PRPS2: variants seen among roughly 807,000 people sequenced by gnomAD.
The protein encoded by PRPS2 is phosphoribosyl pyrophosphate synthetase 2.
For missense variants in PRPS2, 104 were observed against 271.5 expected (o/e 0.38, Z 4.34); for synonymous variants, 111 against 115.3 (o/e 0.96, Z 0.24).
At chrX:12,820,843 C>T (rs1228742420) in intron 6 of PRPS2, 40 bp downstream of exon 6, 1 of 1,182,745 alleles carries the variant, frequency 8.5e-7, no homozygotes, top group East Asian at 3.0e-5. Context: ...CAGCCAGGCA[C>T]CTACTTTAGA....
chrX:12,801,361 C>T (rs1304672702), intron 2 of PRPS2, among the ~76,000 whole-genome samples: 4 of 111,307 alleles, frequency 3.6e-5, no homozygotes, highest in Non-Finnish European at 7.5e-5. Context: ...ATACAGACAG[C>T]TCCTTTTATT....
At chrX:12,821,612 T>C (rs1274642270) in intron 6 of PRPS2, among the ~76,000 whole-genome samples, 2 of 112,129 alleles carry the variant, frequency 1.8e-5, no homozygotes, top group Non-Finnish European at 3.8e-5. Context: ...AATGGCAAAT[T>C]TGATGTTATA....
chrX:12,791,917 C>G (rs921446552), intron 1 of PRPS2, among the ~76,000 whole-genome samples: 8 of 112,930 alleles, frequency 7.1e-5, no homozygotes, highest in Admixed American at 1.8e-4. Flanking sequence ...CGGTGCCGCC[C>G]GGCCTGGCGT....
intron 2 of PRPS2, among the ~76,000 whole-genome samples, chrX:12,807,841 T>C (rs1284998653): frequency 9.1e-6 from 1 of 109,908 alleles, no homozygotes; most frequent in Non-Finnish European, 1.9e-5. Flanking sequence ...TTCTTTTCTT[T>C]CTGTTTTGAA....
intron 4 of PRPS2, among the ~76,000 whole-genome samples, chrX:12,812,647 C>CA (rs1357458831): frequency 9.0e-6 from 1 of 111,646 alleles, no homozygotes; most frequent in Non-Finnish European, 1.9e-5. Context: ...AAGAAAATAC[C>CA]AAAAAACTCC....
rs948934181 is a variant in PRPS2, at chrX:12,821,709, C to T, written c.864+906C>T. On this transcript the variant is annotated intron_variant, in intron 6 of 6. Coordinates refer to ENST00000380668, the MANE Select transcript of PRPS2 (RefSeq NM_002765.5). ...AGATAGATACATAGATAGATACATA[C>T]ACACTCACACAGTGAAAAAATGGGG... Among the ~76,000 whole-genome samples the T allele has an allele frequency of 3.6e-5, 4 of 112,043 alleles. No homozygotes were observed. The South Asian group carries it at 1.5e-3, about 42-fold the overall frequency.
intron 4 of PRPS2, among the ~76,000 whole-genome samples, chrX:12,814,538 T>C (rs781304615): frequency 4.4e-5 from 5 of 112,546 alleles, no homozygotes; most frequent in Admixed American, 9.4e-5. Context: ...AATAAAATAC[T>C]GTAAATTTCT....
Position 12,823,386 on chromosome X carries a change from A to T in PRPS2, c.*590A>T, listed in dbSNP as rs1171837347. The T allele has an allele frequency of 9.5e-6, 1 of 105,785 alleles. No homozygotes were observed. Among genetic ancestry groups the T allele is most frequent in the Non-Finnish European group, 1.9e-5 (1 of 51,837 alleles). The allele number at this position is 105,785 out of a possible 1,213,427, so 8.7% of individuals were successfully genotyped here. On this transcript the variant is annotated 3_prime_UTR_variant, in exon 7 of 7. Coordinates refer to ENST00000380668, the MANE Select transcript of PRPS2 (RefSeq NM_002765.5). ...TGGTTACTGTGCTTAATTTGGACCA[A>T]ATTTTATTTAGCTTAATATGGACAC... is the stretch of plus-strand genomic sequence containing the variant.
chrX:12,798,613 C>T (rs989204620), intron 1 of PRPS2, among the ~76,000 whole-genome samples: 1 of 111,974 alleles, frequency 8.9e-6, no homozygotes, highest in African/African-American at 3.2e-5. Context: ...AAAACTAAAA[C>T]TAAATGTAGT....
intron 1 of PRPS2, among the ~76,000 whole-genome samples, chrX:12,797,126 G>T (rs2042548572): frequency 9.0e-6 from 1 of 110,566 alleles, no homozygotes. Flanking sequence ...GGGAGGCTGA[G>T]GTGGGCGGAT....
chrX:12,798,546 T>C (rs987649538), intron 1 of PRPS2, among the ~76,000 whole-genome samples: 11 of 112,607 alleles, frequency 9.8e-5, no homozygotes, highest in African/African-American at 3.6e-4. Context: ...TTCTCTGTTA[T>C]ACGTCTTACA....
In PRPS2 at chrX:12,823,551, C is replaced by T. The variant is rs2042686505; in HGVS notation, c.*755C>T. 1 of 111,148 alleles carries T rather than the reference C, an allele frequency of 9.0e-6. No individual in the cohort carries two copies. The allele number at this position is 111,148 out of a possible 1,213,427, so 9.2% of individuals were successfully genotyped here. A position where few individuals can be genotyped will look rare whatever the true frequency, so the allele number is the denominator to read the frequency against. On this transcript the variant is annotated 3_prime_UTR_variant, in exon 7 of 7. Coordinates refer to ENST00000380668, the MANE Select transcript of PRPS2 (RefSeq NM_002765.5). ...AAATTCCAAAATTATATTGAGCAAT[C>T]GCCAAGGCCTAAAGCCAACTGACTT...
In PRPS2 at chrX:12,822,226, A is replaced by G. The variant is rs138184764; in HGVS notation, c.865-478A>G. Among the ~76,000 whole-genome samples the G allele has an allele frequency of 6.0e-3, 670 of 111,872 alleles. 6 individuals are homozygous for G. Among genetic ancestry groups the G allele is most frequent in the African/African-American group, 0.021 (644 of 30,811 alleles). On this transcript the variant is annotated intron_variant, in intron 6 of 6. Coordinates refer to ENST00000380668, the MANE Select transcript of PRPS2 (RefSeq NM_002765.5). Reference sequence around the variant, plus strand: ...GGCTGCTTTCACGCTACAATGGGCAAGTTGAGTATTTGTGACAGAGACCCT... The same window carrying G: ...GGCTGCTTTCACGCTACAATGGGCAGGTTGAGTATTTGTGACAGAGACCCT...
chrX:12,798,136 T>C (rs1338972753), intron 1 of PRPS2, among the ~76,000 whole-genome samples: 8 of 111,947 alleles, frequency 7.1e-5, no homozygotes, highest in African/African-American at 2.6e-4. Flanking sequence ...TAGGGTGGAA[T>C]CTGGATTCAG....
At chrX:12,791,763 G>T in intron 1 of PRPS2, 144 bp downstream of exon 1, 1 of 578,890 alleles carries the variant, frequency 1.7e-6, no homozygotes. Context: ...CGCGGCCTCC[G>T]CGCCCCCGCG....
At chrX:12,799,084 G>A in intron 1 of PRPS2, 123 bp from the exon 2 acceptor site, 1 of 608,955 alleles carries the variant, frequency 1.6e-6, no homozygotes, top group Non-Finnish European at 2.5e-6. Flanking sequence ...ACAGCCATGA[G>A]TGCAACTATT....
intron 2 of PRPS2, among the ~76,000 whole-genome samples, chrX:12,806,886 C>T (rs748402573): frequency 9.0e-6 from 1 of 111,278 alleles, no homozygotes; most frequent in African/African-American, 3.3e-5. Context: ...GTCGGGAGTT[C>T]GAGACCAGTC....
At chrX:12,799,022 C>T (rs192310311) in intron 1 of PRPS2, among the ~76,000 whole-genome samples, 185 bp from the exon 2 acceptor site, 3 of 111,681 alleles carry the variant, frequency 2.7e-5, no homozygotes, top group East Asian at 5.6e-4. Context: ...TCACCCCATG[C>T]ACCTTTTTCC....
In PRPS2 at chrX:12,799,301, A is replaced by G; in HGVS notation, c.217A>G (p.Met73Val). 8.3e-7 allele frequency: 1 copy of G among 1,211,811 alleles called. No homozygotes were observed. Among genetic ancestry groups the G allele is most frequent in the Non-Finnish European group, 1.1e-6 (1 of 895,468 alleles). Residue 73 changes from methionine to valine, a missense_variant, in exon 2 of 7, where the codon ATG becomes GTG. Coordinates refer to ENST00000380668, the MANE Select transcript of PRPS2 (RefSeq NM_002765.5). ...INDNLMELLIMINACKIASSS... is the reference protein window; with the variant it reads ...INDNLMELLIVINACKIASSS... ...CGACAACCTGATGGAACTCCTCATC[A>G]TGATCAATGCCTGCAAGATTGCGTC... is the stretch of plus-strand genomic sequence containing the variant.
Sources: gnomAD v4.1 joint callset for allele counts (sites outside exome capture counted in the v4.1 genomes callset) on GRCh38, gnomAD v4.1.1 for gene constraint, MANE v1.5 for transcripts, NCBI Gene and HGNC (gene_info 2026-07-23, HGNC 2026-07-21) for gene names.